MRTFA: variants seen among roughly 807,000 people sequenced by gnomAD.
The protein encoded by MRTFA is myocardin-related transcription factor A.
A neutral mutation model predicts 83.5 loss-of-function variants in MRTFA; 20 were observed. The observed-to-expected ratio is 0.24, with a 90% CI of 0.17 to 0.35. The LOEUF (loss-of-function observed/expected upper bound fraction) is 0.35, where lower values mean the gene tolerates loss of function less well. Among genes scored for constraint, MRTFA ranks in the 10% least tolerant of loss-of-function variants. MRTFA has a pLI of 1.00. For synonymous variants in MRTFA, 659 were observed against 541.2 expected (o/e 1.22, Z -3.02); for missense variants, 1,200 against 1,224.7 (o/e 0.98, Z 0.30).
At chr22:40,497,247 A>C (rs538077309) in intron 3 of MRTFA, among the ~76,000 whole-genome samples, 2 of 152,358 alleles carry the variant, frequency 1.3e-5, no homozygotes, top group African/African-American at 4.8e-5. Context: ...GAAATCTAAA[A>C]TCATTTTTGT....
At chr22:40,478,166 GAAAGT>G (rs2147179826) in intron 3 of MRTFA, among the ~76,000 whole-genome samples, 1 of 152,260 alleles carries the variant, frequency 6.6e-6, no homozygotes, top group South Asian at 2.1e-4. Flanking sequence ...GTGAAGAAAG[GAAAGT>G]AAATTCTCCT....
intron 3 of MRTFA, among the ~76,000 whole-genome samples, chr22:40,479,072 C>A (rs531002885): frequency 2.0e-5 from 3 of 152,240 alleles, no homozygotes; most frequent in Admixed American, 1.3e-4. Context: ...AGCCCCAAAT[C>A]ATTTTCTAAC....
chr22:40,429,040 C>T (rs560202150), intron 7 of MRTFA, among the ~76,000 whole-genome samples: 1 of 152,342 alleles, frequency 6.6e-6, no homozygotes, highest in African/African-American at 2.4e-5. Flanking sequence ...ACCCTGTGCT[C>T]CCTCCAGCAC....
intron 1 of MRTFA, among the ~76,000 whole-genome samples, chr22:40,617,288 T>C (rs994684820): frequency 6.6e-6 from 1 of 151,680 alleles, no homozygotes; most frequent in African/African-American, 2.4e-5. Flanking sequence ...CATGTAAATG[T>C]TATTTAAAGC....
At chr22:40,533,640 G>C in intron 3 of MRTFA, 1 of 1,228,764 alleles carries the variant, frequency 8.1e-7, no homozygotes, top group Non-Finnish European at 1.0e-6. Flanking sequence ...AGTCATGACG[G>C]ATTCTTCCAG....
chr22:40,438,688 T>G (rs1569265353), intron 4 of MRTFA, among the ~76,000 whole-genome samples: 1 of 152,236 alleles, frequency 6.6e-6, no homozygotes, highest in South Asian at 2.1e-4. Context: ...CACATAACTT[T>G]TATTACAGTG....
chr22:40,546,195 C>T (rs1303616462), intron 3 of MRTFA, among the ~76,000 whole-genome samples: 1 of 152,228 alleles, frequency 6.6e-6, no homozygotes, highest in Non-Finnish European at 1.5e-5. Flanking sequence ...TCACAATCTT[C>T]TCAAAGATTT....
intron 3 of MRTFA, among the ~76,000 whole-genome samples, chr22:40,475,528 C>G (rs769385372): frequency 9.2e-5 from 14 of 151,686 alleles, no homozygotes; most frequent in Non-Finnish European, 2.1e-4. Flanking sequence ...CAGTGCCAGA[C>G]TCCGTCTGAA....
At chr22:40,543,036 T>C (rs1244013645) in intron 3 of MRTFA, among the ~76,000 whole-genome samples, 2 of 152,306 alleles carry the variant, frequency 1.3e-5, no homozygotes, top group African/African-American at 4.8e-5. Flanking sequence ...GAATGAGAAA[T>C]TGATTATCTC....
At position 40,540,797 on chromosome 22, in the gene MRTFA, C is replaced by A. The variant is rs868109809; in HGVS notation, c.241+11309G>T. ...GTCTCAAAAAAAAAAAAAAAAAAAA[C>A]CAAAAACATACAAACAAAAAATTCC... On this transcript the variant is annotated intron_variant, in intron 3 of 14. Coordinates refer to ENST00000355630, the MANE Select transcript of MRTFA (RefSeq NM_020831.6). Among the ~76,000 whole-genome samples the A allele has an allele frequency of 1.8e-3, 205 of 116,448 alleles. 1 individual carries two copies. The Middle Eastern group carries it at 0.018, about 10-fold the overall frequency. The allele number at this position is 116,448 out of a possible 152,430, so 76.4% of individuals were successfully genotyped here. A position where few individuals can be genotyped will look rare whatever the true frequency, so the allele number is the denominator to read the frequency against.
At chr22:40,538,749 T>G (rs971746364) in intron 3 of MRTFA, among the ~76,000 whole-genome samples, 14 of 152,140 alleles carry the variant, frequency 9.2e-5, no homozygotes, top group African/African-American at 3.4e-4. Flanking sequence ...TTATTTTTTG[T>G]GCAAATTAGT....
At chr22:40,611,998 G>GT (rs1283398855) in intron 1 of MRTFA, among the ~76,000 whole-genome samples, 1 of 152,292 alleles carries the variant, frequency 6.6e-6, no homozygotes, top group East Asian at 1.9e-4. Flanking sequence ...TTAAGCCTAT[G>GT]TTATTTTTCC....
chr22:40,535,351 T>TTC (rs200538607), intron 3 of MRTFA, among the ~76,000 whole-genome samples: 2,097 of 133,846 alleles, frequency 0.016, 106 homozygotes, highest in African/African-American at 0.059. Flanking sequence ...GTTTTTTCTT[T>TTC]TTTTTTTTTT....
At chr22:40,523,345 A>G (rs1388691010) in intron 3 of MRTFA, 1 of 152,164 alleles carries the variant, frequency 6.6e-6, no homozygotes, top group Non-Finnish European at 1.5e-5. Context: ...TATGCATGTG[A>G]CAATCTTTTT....
At chr22:40,542,168 T>C (rs1046371393) in intron 3 of MRTFA, among the ~76,000 whole-genome samples, 4 of 152,238 alleles carry the variant, frequency 2.6e-5, no homozygotes, top group African/African-American at 7.2e-5. Context: ...TCCAGTTCCT[T>C]TGTGACAATT....
At chr22:40,539,164 T>G (rs1338238732) in intron 3 of MRTFA, among the ~76,000 whole-genome samples, 1 of 150,188 alleles carries the variant, frequency 6.7e-6, no homozygotes, top group African/African-American at 2.5e-5. Context: ...CTGGCTAATT[T>G]TTATATATAT....
At chr22:40,418,313 T>A in intron 12 of MRTFA, 61 bp downstream of exon 12, 1 of 1,574,870 alleles carries the variant, frequency 6.3e-7, no homozygotes, top group Admixed American at 2.0e-5. Flanking sequence ...AAGAGGGCTG[T>A]AGCGAGACGC....
At chr22:40,430,728 C>T (rs558121076) in intron 6 of MRTFA, among the ~76,000 whole-genome samples, 4 of 151,886 alleles carry the variant, frequency 2.6e-5, no homozygotes, top group Non-Finnish European at 5.9e-5. Flanking sequence ...GGTGTGGTGG[C>T]GCTCGTCTGT....
At chr22:40,503,764 TA>T (rs1203071669) in intron 3 of MRTFA, among the ~76,000 whole-genome samples, 1 of 152,080 alleles carries the variant, frequency 6.6e-6, no homozygotes, top group African/African-American at 2.4e-5. Flanking sequence ...CTATCTCTAC[TA>T]AAAATACTTA....
Sources: allele counts gnomAD v4.1 joint callset (sites outside exome capture counted in the v4.1 genomes callset), GRCh38; gene constraint gnomAD v4.1.1; transcripts MANE v1.5; gene names NCBI Gene and HGNC (gene_info 2026-07-23, HGNC 2026-07-21).